The following KHDRBS2 variants were observed in gnomAD, a reference collection of about 807,000 sequenced individuals.
KHDRBS2 encodes the protein KH RNA binding domain containing, signal transduction associated 2.
Under a neutral mutation model 44.3 loss-of-function variants are expected in KHDRBS2, and 26 were observed. The ratio of observed to expected loss-of-function variants is 0.59; its 90% confidence interval spans 0.43 to 0.81. The LOEUF is 0.81. Among genes scored for constraint, KHDRBS2 ranks in the 40% least tolerant of loss-of-function variants. The probability of loss-of-function intolerance (pLI) is 0.00; values close to 1 mark genes in which losing one functional copy is unlikely to be tolerated. For missense variants in KHDRBS2, 476 were observed against 433.1 expected, an observed-to-expected ratio of 1.10 and a Z score of -0.88; for synonymous variants, 194 against 151.1, an observed-to-expected ratio of 1.28 and a Z score of -2.08.
chr6:61,609,346 G>A, the KHDRBS2 span, among the ~76,000 whole-genome samples: 5 of 152,066 alleles, frequency 3.3e-5, no homozygotes, highest in Admixed American at 6.6e-5. Context: ...CAACAAGAGC[G>A]AAACTCTGTC....
At chr6:62,265,852 C>G (rs534756136) in intron 1 of KHDRBS2, among the ~76,000 whole-genome samples, 44 of 152,122 alleles carry the variant, frequency 2.9e-4, no homozygotes, top group African/African-American at 1.0e-3. Context: ...TACAAACATA[C>G]TATTTGAAAT....
intron 6 of KHDRBS2, among the ~76,000 whole-genome samples, chr6:61,875,344 A>T (rs1052556055): frequency 6.6e-6 from 1 of 152,094 alleles, no homozygotes; most frequent in South Asian, 2.1e-4. Flanking sequence ...GTGGTGGAAG[A>T]TGGAGCAAGA....
intron 7 of KHDRBS2, among the ~76,000 whole-genome samples, chr6:61,725,296 G>A (rs1773377058): frequency 6.6e-6 from 1 of 152,122 alleles, no homozygotes; most frequent in Non-Finnish European, 1.5e-5. Flanking sequence ...AGCTAAAGTA[G>A]TGTTAAGAGG....
intron 3 of KHDRBS2, among the ~76,000 whole-genome samples, chr6:62,026,420 A>AT (rs1237618161): frequency 7.4e-6 from 1 of 136,028 alleles, no homozygotes; most frequent in African/African-American, 2.5e-5. Flanking sequence ...TATTTTATTT[A>AT]TTATTATTAT....
chr6:61,724,446 C>G (rs555709302), intron 7 of KHDRBS2, among the ~76,000 whole-genome samples: 6 of 152,188 alleles, frequency 3.9e-5, no homozygotes, highest in African/African-American at 1.4e-4. Flanking sequence ...ATGAAAGGAT[C>G]AAATTTACAT....
At chr6:61,768,318 A>G (rs1480064875) in intron 6 of KHDRBS2, among the ~76,000 whole-genome samples, 1 of 151,992 alleles carries the variant, frequency 6.6e-6, no homozygotes, top group Non-Finnish European at 1.5e-5. Context: ...TTGATTTTTA[A>G]GTGTCTTGAG....
intron 4 of KHDRBS2, among the ~76,000 whole-genome samples, chr6:61,946,660 C>G (rs1420427402): frequency 1.3e-5 from 2 of 152,216 alleles, no homozygotes; most frequent in South Asian, 2.1e-4. Flanking sequence ...AACAAAATGG[C>G]AAGCTATGAC....
chr6:62,079,973 C>A (rs1365491545), intron 2 of KHDRBS2, among the ~76,000 whole-genome samples: 1 of 151,176 alleles, frequency 6.6e-6, no homozygotes, highest in Non-Finnish European at 1.5e-5. Context: ...TTTCTGTGGC[C>A]AAAACAAAAT....
the KHDRBS2 span, among the ~76,000 whole-genome samples, chr6:61,564,126 A>G: frequency 6.6e-6 from 1 of 152,112 alleles, no homozygotes; most frequent in Non-Finnish European, 1.5e-5. Flanking sequence ...TGCAGAAAAC[A>G]AATTTTTCTC....
chr6:62,026,435 A>AT (rs1404141995), intron 3 of KHDRBS2, among the ~76,000 whole-genome samples: 94 of 140,304 alleles, frequency 6.7e-4, no homozygotes, highest in African/African-American at 2.2e-3. Flanking sequence ...TATTATTATT[A>AT]TTATTTTTTT....
Position 62,195,030 on chromosome 6 carries a change from C to T in KHDRBS2, c.92-17718G>A, listed in dbSNP as rs189070871. On this transcript the variant is annotated intron_variant, in intron 1 of 8. Transcript: ENST00000281156. ...GTAGATCAGTAAGGGATATTATCAT[C>T]TTAACAATATTTAGTCTTTCAAATG... Among the ~76,000 whole-genome samples the T allele has an allele frequency of 1.1e-3, 162 of 152,128 alleles. 1 individual carries two copies. Among genetic ancestry groups the T allele is most frequent in the African/African-American group, 3.6e-3 (149 of 41,550 alleles).
intron 1 of KHDRBS2, among the ~76,000 whole-genome samples, chr6:62,229,236 C>T (rs1358376715): frequency 2.0e-5 from 3 of 152,078 alleles, no homozygotes; most frequent in African/African-American, 7.2e-5. Context: ...GGAGGCCCTG[C>T]CCAGTGAGGA....
intron 6 of KHDRBS2, among the ~76,000 whole-genome samples, chr6:61,825,751 T>C (rs138569995): frequency 8.4e-4 from 128 of 152,216 alleles, no homozygotes; most frequent in African/African-American, 2.9e-3. Flanking sequence ...AGCTCCACCA[T>C]CTGTTGTCTA....
At chr6:62,006,223 CT>C (rs1325702428) in intron 3 of KHDRBS2, among the ~76,000 whole-genome samples, 1 of 151,920 alleles carries the variant, frequency 6.6e-6, no homozygotes, top group African/African-American at 2.4e-5. Flanking sequence ...ACTACAGAGA[CT>C]GACACAGACT....
chr6:61,658,911 C>G, the KHDRBS2 span, among the ~76,000 whole-genome samples: 3 of 151,800 alleles, frequency 2.0e-5, no homozygotes, highest in Non-Finnish European at 4.4e-5. Flanking sequence ...GAAAATACGA[C>G]AAGGAATTTC....
At chr6:61,773,158 T>G (rs1016926280) in intron 6 of KHDRBS2, among the ~76,000 whole-genome samples, 4 of 151,898 alleles carry the variant, frequency 2.6e-5, no homozygotes, top group Admixed American at 6.6e-5. Flanking sequence ...ATATACCCAG[T>G]AATGGGATGG....
At chr6:61,930,531 AAAAAAAAAAAAAAAG>A (rs1412056270) in intron 4 of KHDRBS2, among the ~76,000 whole-genome samples, 3,159 of 33,604 alleles carry the variant, frequency 0.094, 278 homozygotes, top group East Asian at 0.18. Flanking sequence ...CCTAAAAAAA[AAAAAAAAAAAAAAAG>A]AAAAAAAAAA....
intron 1 of KHDRBS2, among the ~76,000 whole-genome samples, chr6:62,200,895 C>G (rs368195360): frequency 6.8e-6 from 1 of 147,852 alleles, no homozygotes; most frequent in East Asian, 2.0e-4. Context: ...CCATGGAATA[C>G]TATGCAGCCA....
At chr6:61,718,885 A>G (rs1044113498) in intron 7 of KHDRBS2, among the ~76,000 whole-genome samples, 7 of 152,148 alleles carry the variant, frequency 4.6e-5, no homozygotes, top group African/African-American at 1.2e-4. Context: ...CTAATTTAGG[A>G]GTCTAATTCC....
Sources: allele counts gnomAD v4.1 joint callset (sites outside exome capture counted in the v4.1 genomes callset), GRCh38; gene constraint gnomAD v4.1.1; transcripts MANE v1.5; gene names NCBI Gene and HGNC (gene_info 2026-07-23, HGNC 2026-07-21).